Variants in PANK1 observed in about 807,000 individuals in gnomAD.
The protein encoded by PANK1 is pantothenic acid kinase 1.
A neutral mutation model predicts 40.1 loss-of-function variants in PANK1; 18 were observed. The ratio of observed to expected loss-of-function variants is 0.45; its 90% confidence interval spans 0.31 to 0.67. The LOEUF is 0.67. Ranked by LOEUF, PANK1 falls within the 30% of genes least tolerant of loss-of-function variation. PANK1 has a pLI of 0.06. For missense variants in PANK1, 457 were observed against 599.6 expected (o/e 0.76, Z 2.48); for synonymous variants, 242 against 237.7 (o/e 1.02, Z -0.17).
At chr10:89,605,333 AT>A (rs907685246) in intron 2 of PANK1, among the ~76,000 whole-genome samples, 5 of 152,120 alleles carry the variant, frequency 3.3e-5, no homozygotes, top group African/African-American at 9.7e-5. Context: ...GTTTCATAGC[AT>A]TTTACCCACC....
chr10:89,612,222 T>C (rs1006062542), intron 1 of PANK1, among the ~76,000 whole-genome samples, 174 bp from the exon 2 acceptor site: 2 of 152,184 alleles, frequency 1.3e-5, no homozygotes, highest in Admixed American at 1.3e-4. Context: ...GAGAAAATTT[T>C]ACAATCAAAA....
At chr10:89,641,963 T>C (rs1428395382) in intron 1 of PANK1, among the ~76,000 whole-genome samples, 1 of 152,128 alleles carries the variant, frequency 6.6e-6, no homozygotes, top group Non-Finnish European at 1.5e-5. Flanking sequence ...AGATGTGACT[T>C]GGTAACTTGG....
Position 89,636,554 on chromosome 10 carries a change from C to T in PANK1, c.292+8046G>A, listed in dbSNP as rs142740764. Among the ~76,000 whole-genome samples, 1,109 of 152,066 alleles carry T rather than the reference C, an allele frequency of 7.3e-3. 12 individuals are homozygous for T. Among genetic ancestry groups the T allele is most frequent in the Middle Eastern group, 0.027 (8 of 294 alleles). On this transcript the variant is annotated intron_variant, in intron 1 of 6. Coordinates refer to ENST00000307534, the MANE Select transcript of PANK1 (RefSeq NM_148977.3). ...GCAACCTCCACCTCGTGGGTTCAAG[C>T]GATTCTGCTGCCTCAGCCTCCCGAG...
In PANK1 at chr10:89,593,150, T is replaced by C. The variant is rs377383694; in HGVS notation, c.1200+47A>G. On this transcript the variant is annotated intron_variant, in intron 5 of 6. Coordinates refer to ENST00000307534, the MANE Select transcript of PANK1 (RefSeq NM_148977.3). ...AACAGGTGTTGCACTGCCAAGATGATGTATATGAATGACACACAGCTTTCA... is the reference window on the plus strand; with the variant it reads ...AACAGGTGTTGCACTGCCAAGATGACGTATATGAATGACACACAGCTTTCA... The C allele has an allele frequency of 1.3e-5, 20 of 1,593,984 alleles. No individual in the cohort carries two copies. The South Asian group carries it at 2.0e-4, about 16-fold the overall frequency.
chr10:89,612,393 G>T (rs975970397), intron 1 of PANK1, among the ~76,000 whole-genome samples: 13 of 152,094 alleles, frequency 8.5e-5, no homozygotes, highest in African/African-American at 2.2e-4. Context: ...TTTAAAGATA[G>T]ATATATATAT....
intron 1 of PANK1, among the ~76,000 whole-genome samples, chr10:89,636,686 C>G (rs952555915): frequency 6.7e-6 from 1 of 149,466 alleles, no homozygotes; most frequent in African/African-American, 2.5e-5. Context: ...CTCCTGACCT[C>G]GTGATCCGCC....
intron 1 of PANK1, among the ~76,000 whole-genome samples, chr10:89,625,365 T>C (rs1032564267): frequency 2.6e-5 from 4 of 152,252 alleles, no homozygotes; most frequent in South Asian, 2.1e-4. Context: ...AAATTATTTA[T>C]TGGCAATTTA....
At chr10:89,639,823 G>A (rs551872806) in intron 1 of PANK1, among the ~76,000 whole-genome samples, 1 of 152,320 alleles carries the variant, frequency 6.6e-6, no homozygotes, top group Non-Finnish European at 1.5e-5. Flanking sequence ...TTTGATGAGA[G>A]AATCCATGTG....
intron 1 of PANK1, among the ~76,000 whole-genome samples, chr10:89,635,886 G>T (rs985278065): frequency 6.6e-6 from 1 of 152,150 alleles, no homozygotes; most frequent in African/African-American, 2.4e-5. Context: ...AACCCAACAG[G>T]GCAAACAACA....
downstream of PANK1, chr10:89,581,293 G>T (rs1025234696): frequency 4.6e-5 from 7 of 152,256 alleles, no homozygotes; most frequent in African/African-American, 1.4e-4. Flanking sequence ...TATAACAATT[G>T]TTCCCAACAA....
rs535875339 is a variant in PANK1 at position 89,586,728 on chromosome 10, C to T, written c.1326+1924G>A. On this transcript the variant is annotated intron_variant, in intron 6 of 6. Transcript: ENST00000307534. ...TGCAGTGTATACAAGAGATTAGATA[C>T]CTCCAGTGATAGCTCATTGCAGCAC... 3.9e-5 allele frequency among the ~76,000 whole-genome samples: 6 copies of T among 152,290 alleles called. No individual in the cohort carries two copies. In the East Asian group the frequency reaches 7.7e-4, roughly 20 times the overall value.
At chr10:89,604,934 G>A (rs1229380894) in intron 2 of PANK1, among the ~76,000 whole-genome samples, 1 of 151,502 alleles carries the variant, frequency 6.6e-6, no homozygotes, top group Non-Finnish European at 1.5e-5. Context: ...GTATTTTTTA[G>A]TAGAGACGGG....
intron 2 of PANK1, among the ~76,000 whole-genome samples, chr10:89,609,314 T>C (rs1845081421): frequency 6.6e-6 from 1 of 152,220 alleles, no homozygotes; most frequent in South Asian, 2.1e-4. Flanking sequence ...TCCACCCGCC[T>C]CAACCTTCCA....
intron 6 of PANK1, among the ~76,000 whole-genome samples, chr10:89,587,732 T>C (rs1179844519): frequency 2.0e-5 from 3 of 152,194 alleles, no homozygotes; most frequent in African/African-American, 7.2e-5. Context: ...TAAGGTATAA[T>C]AAAATGGTTG....
At chr10:89,634,755 A>G in intron 1 of PANK1, among the ~76,000 whole-genome samples, 1 of 152,340 alleles carries the variant, frequency 6.6e-6, no homozygotes, top group East Asian at 1.9e-4. Context: ...TTTTTAAAAA[A>G]TAACCATGTC....
chr10:89,631,750 T>G (rs1841649987), intron 1 of PANK1, among the ~76,000 whole-genome samples: 1 of 152,192 alleles, frequency 6.6e-6, no homozygotes, highest in African/African-American at 2.4e-5. Context: ...GGTAAAAAAT[T>G]AATCATAAAC....
intron 1 of PANK1, among the ~76,000 whole-genome samples, chr10:89,619,394 A>G (rs1395363385): frequency 3.3e-5 from 5 of 152,238 alleles, no homozygotes; most frequent in Non-Finnish European, 7.3e-5. Context: ...AAAAAACTGA[A>G]AAGATTTTCT....
At position 89,586,334 on chromosome 10, in the gene PANK1, G is replaced by GT. The variant is rs564914470; in HGVS notation, c.1327-1870dup. On this transcript the variant is annotated intron_variant, in intron 6 of 6. Coordinates refer to ENST00000307534, the MANE Select transcript of PANK1 (RefSeq NM_148977.3). ...CATTATTTTTTTTAAAGGCTGAGAT[G>GT]TTTTTTTCTTTTTCAAACAAAACCT... 1.2e-3 allele frequency among the ~76,000 whole-genome samples: 175 copies of GT among 152,024 alleles called. 2 individuals carry two copies. Among genetic ancestry groups the GT allele is most frequent in the African/African-American group, 4.0e-3 (165 of 41,494 alleles).
rs773109259 is a variant in PANK1, at chr10:89,588,822, T to C, written c.1201-45A>G. 22 of 1,467,312 alleles carry C rather than the reference T, an allele frequency of 1.5e-5. No individual in the cohort carries two copies. The South Asian group carries it at 2.6e-4, about 17-fold the overall frequency. 90.9% of individuals were successfully genotyped at this position (1,467,312 alleles called of 1,614,324 possible). ...AAACAATTGAATCATGGCATAAAAA[T>C]AGCATTTGGCAAAGACCCAATGTTC... is the stretch of plus-strand genomic sequence containing the variant. On this transcript the variant is annotated intron_variant, in intron 5 of 6. Transcript: ENST00000307534.
Sources: allele counts gnomAD v4.1 joint callset (sites outside exome capture counted in the v4.1 genomes callset), GRCh38; gene constraint gnomAD v4.1.1; transcripts MANE v1.5; gene names NCBI Gene and HGNC (gene_info 2026-07-23, HGNC 2026-07-21).